The following MCPH1 variants were observed in gnomAD, a reference collection of about 807,000 sequenced individuals.
The protein encoded by MCPH1 is microcephalin.
Under a neutral mutation model 84.5 loss-of-function variants are expected in MCPH1, and 104 were observed. That is an observed-to-expected ratio of 1.23 (90% CI 1.05 to 1.45). The LOEUF (loss-of-function observed/expected upper bound fraction) is 1.45, where lower values mean the gene tolerates loss of function less well. Among genes scored for constraint, MCPH1 ranks in the 40% most tolerant of loss-of-function variants. MCPH1 has a pLI of 0.00. For synonymous variants in MCPH1, 514 were observed against 366.8 expected, an observed-to-expected ratio of 1.40 and a Z score of -4.58; for missense variants, 1,498 against 1,005.7, an observed-to-expected ratio of 1.49 and a Z score of -6.62.
At chr8:6,566,059 AT>A (rs1189739654) in intron 12 of MCPH1, among the ~76,000 whole-genome samples, 4 of 152,110 alleles carry the variant, frequency 2.6e-5, no homozygotes, top group Non-Finnish European at 4.4e-5. Flanking sequence ...CTCAAAGGTA[AT>A]GCGGTGCAAA....
chr8:6,562,080 TC>T (rs1385934171), intron 12 of MCPH1, among the ~76,000 whole-genome samples: 1 of 152,220 alleles, frequency 6.6e-6, no homozygotes, highest in East Asian at 1.9e-4. Flanking sequence ...GCCCTGAGAT[TC>T]TGAGAAACAT....
chr8:6,619,471 A>T (rs1466040398), intron 12 of MCPH1, among the ~76,000 whole-genome samples: 1 of 149,802 alleles, frequency 6.7e-6, no homozygotes, highest in African/African-American at 2.5e-5. Flanking sequence ...TTGTATTTTT[A>T]GTAGAGATGG....
intron 12 of MCPH1, among the ~76,000 whole-genome samples, chr8:6,579,008 TG>T (rs1224726843): frequency 6.6e-6 from 1 of 152,184 alleles, no homozygotes; most frequent in African/African-American, 2.4e-5. Context: ...TGATCTGGTC[TG>T]GGGATATTTC....
At chr8:6,428,892 A>G (rs1563193998) in intron 3 of MCPH1, among the ~76,000 whole-genome samples, 1 of 139,628 alleles carries the variant, frequency 7.2e-6, no homozygotes, top group Non-Finnish European at 1.6e-5. Flanking sequence ...TCTGCAGATA[A>G]GCTGTTCGGT....
At chr8:6,639,997 C>A (rs904116994) in intron 13 of MCPH1, among the ~76,000 whole-genome samples, 2 of 151,684 alleles carry the variant, frequency 1.3e-5, no homozygotes, top group Non-Finnish European at 2.9e-5. Context: ...CCTTAGCCTC[C>A]CAAGTAGGCG....
At chr8:6,612,635 G>C (rs1046960996) in intron 12 of MCPH1, among the ~76,000 whole-genome samples, 6 of 152,226 alleles carry the variant, frequency 3.9e-5, no homozygotes, top group Admixed American at 1.3e-4. Flanking sequence ...TCTCTGCCCA[G>C]CTGGCTGGCC....
rs965021315 is a variant in MCPH1 at position 6,645,052 on chromosome 8, G to A, written c.*2003G>A. The A allele has an allele frequency of 6.6e-6, 1 of 152,154 alleles. No individual in the cohort carries two copies. The highest frequency in any genetic ancestry group is 6.6e-5 in the Admixed American group (1 of 15,258). The allele number at this position is 152,154 out of a possible 1,614,324, so 9.4% of individuals were successfully genotyped here. Reference sequence around the variant, plus strand: ...GTTTCTCTATAACCACAAGCATCCTGGCTTGGTAGTGCTCCCACAGCACCA... The same window carrying A: ...GTTTCTCTATAACCACAAGCATCCTAGCTTGGTAGTGCTCCCACAGCACCA... On this transcript the variant is annotated 3_prime_UTR_variant, in exon 14 of 14. Coordinates refer to ENST00000344683, the MANE Select transcript of MCPH1 (RefSeq NM_024596.5).
chr8:6,587,453 AATTGT>A (rs2129577407), intron 12 of MCPH1, among the ~76,000 whole-genome samples: 1 of 152,274 alleles, frequency 6.6e-6, no homozygotes, highest in South Asian at 2.1e-4. Context: ...GGCTTTTGGC[AATTGT>A]ATACAGTTTT....
intron 4 of MCPH1, 150 bp downstream of exon 4, chr8:6,431,736 A>C: frequency 1.6e-6 from 1 of 609,970 alleles, no homozygotes. Flanking sequence ...TAGCATTTTT[A>C]AGTGAATTAC....
At chr8:6,446,433 A>G in intron 8 of MCPH1, 5 of 985,358 alleles carry the variant, frequency 5.1e-6, no homozygotes, top group Non-Finnish European at 6.0e-6. Flanking sequence ...CATCACAGAC[A>G]TGTTACATAC....
intron 12 of MCPH1, among the ~76,000 whole-genome samples, chr8:6,510,881 T>G (rs1420228818): frequency 6.6e-6 from 1 of 152,204 alleles, no homozygotes; most frequent in African/African-American, 2.4e-5. Flanking sequence ...AGTCTCAGTA[T>G]TTTCCCACAT....
intron 12 of MCPH1, among the ~76,000 whole-genome samples, chr8:6,536,558 A>G (rs1428311281): frequency 2.0e-5 from 3 of 152,184 alleles, no homozygotes; most frequent in Non-Finnish European, 2.9e-5. Context: ...ACCAATGCCA[A>G]TTCTATCTTC....
intron 12 of MCPH1, among the ~76,000 whole-genome samples, chr8:6,571,396 T>G (rs567102582): frequency 5.9e-5 from 9 of 152,216 alleles, no homozygotes; most frequent in Non-Finnish European, 1.0e-4. Flanking sequence ...ATAAGTCACA[T>G]TAAATGTTCC....
chr8:6,626,744 A>C (rs932844988), intron 13 of MCPH1: 2 of 985,354 alleles, frequency 2.0e-6, no homozygotes, highest in African/African-American at 3.5e-5. Context: ...GAGGATCACA[A>C]GCCCTTGGGT....
At chr8:6,477,369 C>T (rs1808612958) in intron 9 of MCPH1, 1 of 528,578 alleles carries the variant, frequency 1.9e-6, no homozygotes, top group Non-Finnish European at 3.3e-6. Flanking sequence ...GCTCTTGTAC[C>T]TCATGTCTGG....
intron 3 of MCPH1, among the ~76,000 whole-genome samples, chr8:6,417,243 G>A (rs1799440232): frequency 6.6e-6 from 1 of 152,096 alleles, no homozygotes; most frequent in African/African-American, 2.4e-5. Flanking sequence ...CTAATTAGCT[G>A]TATACCAGGG....
rs535393928 is a variant in MCPH1, at chr8:6,437,520, C to T, written c.436+1358C>T. ...CTGGGATTACAGGCGTGAGCCACCG[C>T]GCCCGGCCAAGATTTATTTTAAATC... On this transcript the variant is annotated intron_variant, in intron 5 of 13. Coordinates refer to ENST00000344683, the MANE Select transcript of MCPH1 (RefSeq NM_024596.5). Among the ~76,000 whole-genome samples the T allele has an allele frequency of 8.5e-5, 13 of 152,308 alleles. No homozygotes were observed. The South Asian group carries it at 1.9e-3, about 22-fold the overall frequency.
chr8:6,520,122 T>C, intron 12 of MCPH1: 1 of 985,656 alleles, frequency 1.0e-6, no homozygotes, highest in Non-Finnish European at 1.4e-6. Flanking sequence ...CTGTACCACT[T>C]TTTTAACCTT....
At chr8:6,464,787 C>T (rs927682413) in intron 9 of MCPH1, among the ~76,000 whole-genome samples, 2 of 152,206 alleles carry the variant, frequency 1.3e-5, no homozygotes, top group Non-Finnish European at 2.9e-5. Flanking sequence ...CACCTGAGGT[C>T]AGGAGTTTGA....
Sources: allele counts gnomAD v4.1 joint callset (sites outside exome capture counted in the v4.1 genomes callset), GRCh38; gene constraint gnomAD v4.1.1; transcripts MANE v1.5; gene names NCBI Gene and HGNC (gene_info 2026-07-23, HGNC 2026-07-21).